COG5: variants seen among roughly 807,000 people sequenced by gnomAD.
COG5 encodes component of oligomeric golgi complex 5, also known as conserved oligomeric Golgi complex subunit 5.
COG5 carries 86 observed loss-of-function variants against 110.4 expected under a neutral mutation model. The ratio of observed to expected loss-of-function variants is 0.78; its 90% CI spans 0.65 to 0.93. The LOEUF is 0.93. Ranked by LOEUF, COG5 falls within the 40% of genes least tolerant of loss-of-function variation. COG5 has a pLI of 0.00. For synonymous variants in COG5, 360 were observed against 334.6 expected (o/e 1.08, Z -0.83); for missense variants, 1,077 against 987.0 (o/e 1.09, Z -1.22).
intron 11 of COG5, among the ~76,000 whole-genome samples, chr7:107,315,787 T>C (rs1288728851): frequency 3.3e-5 from 5 of 152,144 alleles, no homozygotes; most frequent in Admixed American, 6.5e-5. Flanking sequence ...GTATGTGCTA[T>C]AAAAATTGAA....
At chr7:107,283,930 C>A (rs1805405373) in intron 12 of COG5, among the ~76,000 whole-genome samples, 198 bp from the exon 13 acceptor site, 1 of 131,814 alleles carries the variant, frequency 7.6e-6, no homozygotes, top group Non-Finnish European at 1.8e-5. Flanking sequence ...ACCATAGTAA[C>A]CTTTTTTTTT....
chr7:107,329,335 G>C (rs1584685371), intron 10 of COG5, among the ~76,000 whole-genome samples: 1 of 152,058 alleles, frequency 6.6e-6, no homozygotes, highest in Non-Finnish European at 1.5e-5. Flanking sequence ...ATATAAAGTA[G>C]ATTCAGAGGG....
intron 11 of COG5, among the ~76,000 whole-genome samples, chr7:107,316,935 T>G (rs1191328636): frequency 1.3e-5 from 2 of 152,118 alleles, no homozygotes; most frequent in African/African-American, 4.8e-5. Flanking sequence ...AAATATACTT[T>G]TAATCATTAT....
In COG5 at chr7:107,241,065, A is replaced by C. The variant is rs80055315; in HGVS notation, c.1854-4378T>G. On this transcript the variant is annotated intron_variant, in intron 17 of 21. Coordinates refer to ENST00000297135, the MANE Select transcript of COG5 (RefSeq NM_006348.5). ...AAACAGTTTGGCTCACTAGAATTTA[A>C]GCAAATTAGTAAAAACACATCTATT... is the stretch of plus-strand genomic sequence containing the variant. Among the ~76,000 whole-genome samples the C allele has an allele frequency of 7.8e-4, 119 of 152,350 alleles. 2 individuals are homozygous for C. In the East Asian group the frequency reaches 0.022, roughly 28 times the overall value.
chr7:107,322,893 G>T (rs924286199), intron 11 of COG5, among the ~76,000 whole-genome samples: 1 of 152,120 alleles, frequency 6.6e-6, no homozygotes, highest in Non-Finnish European at 1.5e-5. Context: ...AAAGGAAATG[G>T]ACTACCGATA....
Position 107,265,262 on chromosome 7 carries a change from C to T in COG5, c.1576-6879G>A, listed in dbSNP as rs141931901. 3.3e-3 allele frequency among the ~76,000 whole-genome samples: 504 copies of T among 152,206 alleles called. 4 individuals are homozygous for T. The highest frequency in any genetic ancestry group is 0.012 in the African/African-American group (481 of 41,532). ...TACTTTTTAATCTACCGATCTGTGA[C>T]ACAGACAAAAATAATTAATTTTTAT... On this transcript the variant is annotated intron_variant, in intron 14 of 21. Transcript: ENST00000297135.
intron 10 of COG5, among the ~76,000 whole-genome samples, chr7:107,348,635 T>A (rs914616671): frequency 6.6e-6 from 1 of 152,138 alleles, no homozygotes; most frequent in Non-Finnish European, 1.5e-5. Flanking sequence ...TTACAGAAAA[T>A]ATGCAGGAAT....
chr7:107,314,759 A>C (rs1314267394), intron 11 of COG5, among the ~76,000 whole-genome samples: 1 of 152,164 alleles, frequency 6.6e-6, no homozygotes, highest in Admixed American at 6.5e-5. Context: ...AAATAAAACA[A>C]AACAAAACAA....
chr7:107,408,921 C>A (rs1420864894), intron 7 of COG5, among the ~76,000 whole-genome samples: 1 of 151,922 alleles, frequency 6.6e-6, no homozygotes, highest in Non-Finnish European at 1.5e-5. Flanking sequence ...TTTCTTGAGC[C>A]CTCCCAACCA....
intron 6 of COG5, among the ~76,000 whole-genome samples, chr7:107,436,574 A>C (rs1016732017): frequency 6.6e-6 from 1 of 152,216 alleles, no homozygotes; most frequent in Non-Finnish European, 1.5e-5. Context: ...CCATAAAACT[A>C]CATACTTAAA....
intron 19 of COG5, among the ~76,000 whole-genome samples, chr7:107,225,114 A>G (rs928178069): frequency 1.3e-5 from 2 of 152,126 alleles, no homozygotes; most frequent in African/African-American, 4.8e-5. Flanking sequence ...TGGCACTGTC[A>G]TCTTCCATTA....
chr7:107,410,567 C>T (rs940608001), intron 7 of COG5, among the ~76,000 whole-genome samples: 2 of 152,010 alleles, frequency 1.3e-5, no homozygotes, highest in South Asian at 4.2e-4. Flanking sequence ...CTCAGCCTCC[C>T]GAGTCGCTGG....
At chr7:107,210,318 T>A (rs1250731731) in intron 21 of COG5, 1 of 1,427,446 alleles carries the variant, frequency 7.0e-7, no homozygotes, top group Non-Finnish European at 9.1e-7. Context: ...TATGAAGGTT[T>A]GGAATGAAAG....
intron 6 of COG5, among the ~76,000 whole-genome samples, chr7:107,457,258 T>C (rs1795720315): frequency 6.6e-6 from 1 of 151,012 alleles, no homozygotes; most frequent in South Asian, 2.1e-4. Context: ...AAAAGTTCCT[T>C]AGAGGGGCTT....
intron 17 of COG5, among the ~76,000 whole-genome samples, chr7:107,244,218 C>T (rs1367174525): frequency 6.6e-6 from 1 of 152,152 alleles, no homozygotes; most frequent in African/African-American, 2.4e-5. Flanking sequence ...CGCCACTGCA[C>T]TCCAGCCTGG....
At chr7:107,484,013 A>G (rs1162193039) in intron 6 of COG5, among the ~76,000 whole-genome samples, 1 of 152,176 alleles carries the variant, frequency 6.6e-6, no homozygotes, top group Admixed American at 6.5e-5. Flanking sequence ...CAAAACTGGT[A>G]AATGTTAGAT....
chr7:107,344,681 C>T (rs1811445380), intron 10 of COG5, among the ~76,000 whole-genome samples: 1 of 152,148 alleles, frequency 6.6e-6, no homozygotes, highest in Non-Finnish European at 1.5e-5. Flanking sequence ...TGCGCCACCA[C>T]ACCTGGTTAA....
chr7:107,521,668 C>T lies in COG5; in HGVS notation c.538+5569G>A, dbSNP rs192989842. Among the ~76,000 whole-genome samples, 853 of 152,296 alleles carry T rather than the reference C, an allele frequency of 5.6e-3. 8 individuals are homozygous for T. The highest frequency in any genetic ancestry group is 0.02 in the African/African-American group (821 of 41,570). The stretch of plus-strand genomic sequence containing the variant: ...ATGAGGCTGTGGAGAAATAGGAATG[C>T]TTTTACACTGTTGGTGGGAATGTAA... On this transcript the variant is annotated intron_variant, in intron 6 of 21. Coordinates refer to ENST00000297135, the MANE Select transcript of COG5 (RefSeq NM_006348.5).
chr7:107,506,363 G>A (rs1798999688), intron 6 of COG5, among the ~76,000 whole-genome samples: 2 of 152,304 alleles, frequency 1.3e-5, no homozygotes, highest in South Asian at 2.1e-4. Context: ...TCTGTCCTTT[G>A]TGTTAAACTA....
Sources: gnomAD v4.1 joint callset for allele counts (sites outside exome capture counted in the v4.1 genomes callset) on GRCh38, gnomAD v4.1.1 for gene constraint, MANE v1.5 for transcripts, NCBI Gene and HGNC (gene_info 2026-07-23, HGNC 2026-07-21) for gene names.